Variants in CCDC91 observed in about 807,000 individuals in gnomAD.
CCDC91 encodes the protein coiled-coil domain-containing protein 91.
Under a neutral mutation model 63.2 loss-of-function variants are expected in CCDC91, and 48 were observed. The ratio of observed to expected loss-of-function variants is 0.76; its 90% CI spans 0.60 to 0.97. CCDC91 has a LOEUF of 0.97. Among genes scored for constraint, CCDC91 ranks in the 50% least tolerant of loss-of-function variants. The pLI is 0.00. For synonymous variants in CCDC91, 167 were observed against 165.8 expected, an observed-to-expected ratio of 1.01 and a Z score of -0.06; for missense variants, 500 against 494.6, an observed-to-expected ratio of 1.01 and a Z score of -0.10.
At chr12:28,308,718 A>G (rs1469506951) in intron 6 of CCDC91, among the ~76,000 whole-genome samples, 1 of 151,996 alleles carries the variant, frequency 6.6e-6, no homozygotes, top group East Asian at 1.9e-4. Context: ...CTTTCCAGAC[A>G]ATGCTGACAT....
intron 3 of CCDC91, among the ~76,000 whole-genome samples, chr12:28,271,346 AT>A (rs1947758472): frequency 6.6e-6 from 1 of 151,784 alleles, no homozygotes. Context: ...TGTTTATTAT[AT>A]TTTTCCTAAT....
At chr12:28,465,229 C>T (rs1175646029) in intron 11 of CCDC91, among the ~76,000 whole-genome samples, 2 of 152,122 alleles carry the variant, frequency 1.3e-5, no homozygotes, top group Admixed American at 6.5e-5. Flanking sequence ...CAGTTTTTGA[C>T]TCTAGTCTTT....
At chr12:28,507,841 G>T (rs1332538637) in intron 12 of CCDC91, among the ~76,000 whole-genome samples, 2 of 151,992 alleles carry the variant, frequency 1.3e-5, no homozygotes, top group Admixed American at 1.3e-4. Context: ...ACCTATCGGG[G>T]TGGAGGAAGT....
chr12:28,424,675 A>C (rs1446384091), intron 8 of CCDC91, among the ~76,000 whole-genome samples: 1 of 152,096 alleles, frequency 6.6e-6, no homozygotes, highest in Non-Finnish European at 1.5e-5. Flanking sequence ...TAATCCTGAA[A>C]AGCTTTTGGG....
chr12:28,484,122 G>C lies in CCDC91; in HGVS notation c.1172G>C (p.Arg391Thr). Residue 391 changes from arginine (R) to threonine (T), a missense_variant, in exon 12 of 13, where the codon AGA (arginine) becomes ACA (threonine). Transcript: ENST00000536442. ...SEKAVEEAVK[R>T]TRDELIEYIK... ...AAGGCTGTGGAAGAGGCAGTGAAAAGAACAAGAGATGAATTGATAGAGTAT... is the reference window on the plus strand; with the variant it reads ...AAGGCTGTGGAAGAGGCAGTGAAAACAACAAGAGATGAATTGATAGAGTAT... 2 of 1,611,050 alleles carry C rather than the reference G, an allele frequency of 1.2e-6. No individual in the cohort carries two copies. The highest frequency in any genetic ancestry group is 1.7e-6 in the Non-Finnish European group (2 of 1,178,460).
chr12:28,279,629 C>T (rs1458813361), intron 3 of CCDC91, among the ~76,000 whole-genome samples: 2 of 152,068 alleles, frequency 1.3e-5, no homozygotes, highest in East Asian at 3.9e-4. Context: ...TTTGGTCCTC[C>T]AGCTCTTTCA....
At position 28,362,867 on chromosome 12, in the gene CCDC91, A is replaced by G. The variant is rs144574697; in HGVS notation, c.654+352A>G. ...ATTAAGGCATGAAATATATCAGAAA[A>G]AAATATTATACCTTTTTGCTTTTCT... On this transcript the variant is annotated intron_variant, in intron 7 of 12. Coordinates refer to ENST00000536442, the MANE Select transcript of CCDC91 (RefSeq NM_018318.5). Among the ~76,000 whole-genome samples the G allele has an allele frequency of 8.5e-5, 13 of 152,310 alleles. No homozygotes were observed. The East Asian group carries it at 2.5e-3, about 29-fold the overall frequency.
At chr12:28,330,556 T>C (rs982587047) in intron 6 of CCDC91, among the ~76,000 whole-genome samples, 1 of 152,110 alleles carries the variant, frequency 6.6e-6, no homozygotes, top group African/African-American at 2.4e-5. Flanking sequence ...TCTTCCATTC[T>C]GTAGGTTGCC....
chr12:28,545,864 T>A (rs2141866695), intron 12 of CCDC91, among the ~76,000 whole-genome samples: 1 of 152,212 alleles, frequency 6.6e-6, no homozygotes, highest in African/African-American at 2.4e-5. Flanking sequence ...GCAACAGAGG[T>A]TGAATGCTTG....
At chr12:28,267,965 A>C (rs1470446390) in intron 3 of CCDC91, among the ~76,000 whole-genome samples, 10 of 112,256 alleles carry the variant, frequency 8.9e-5, no homozygotes, top group Non-Finnish European at 1.5e-4. Flanking sequence ...ATAATTATAT[A>C]TAATTAATAT....
chr12:28,194,247 C>A (rs1941539483), intron 1 of CCDC91, among the ~76,000 whole-genome samples: 2 of 152,114 alleles, frequency 1.3e-5, no homozygotes, highest in South Asian at 4.2e-4. Context: ...TCAAGACTCT[C>A]TCTCTCTCTT....
rs543312698 is a variant in CCDC91, at chr12:28,445,969, A to G, written c.763-4192A>G. On this transcript the variant is annotated intron_variant, in intron 8 of 12. Transcript: ENST00000536442. ...ATATTTATTCCTTAACACACATCAT[A>G]CTTAACTAGGGGATTTATTGTACAT... Among the ~76,000 whole-genome samples, 173 of 152,332 alleles carry G rather than the reference A, an allele frequency of 1.1e-3. 2 individuals are homozygous for G. The highest frequency in any genetic ancestry group is 3.5e-3 in the African/African-American group (145 of 41,584).
intron 3 of CCDC91, among the ~76,000 whole-genome samples, chr12:28,272,941 A>G (rs1410045823): frequency 5.9e-5 from 9 of 151,612 alleles, no homozygotes; most frequent in Non-Finnish European, 1.2e-4. Flanking sequence ...TGTACCCAGT[A>G]ACTCGTCATT....
rs541242186 is a variant in CCDC91 at position 28,368,406 on chromosome 12, C to G, written c.654+5891C>G. Among the ~76,000 whole-genome samples the G allele has an allele frequency of 1.2e-4, 19 of 152,268 alleles. 1 individual carries two copies. The East Asian group carries it at 3.7e-3, about 29-fold the overall frequency. ...CCTAGCCTCTGATCTATCCTGTGCA[C>G]TTGAGTAAATGTATATCCTGCTATT... On this transcript the variant is annotated intron_variant, in intron 7 of 12. Transcript: ENST00000536442.
chr12:28,503,650 G>A (rs1938282477), intron 12 of CCDC91, among the ~76,000 whole-genome samples: 1 of 152,104 alleles, frequency 6.6e-6, no homozygotes, highest in Admixed American at 6.6e-5. Context: ...GTTTATTGCA[G>A]CACTATTCAC....
chr12:28,281,632 GTA>G (rs1948613824), intron 3 of CCDC91, among the ~76,000 whole-genome samples: 3 of 151,998 alleles, frequency 2.0e-5, no homozygotes, highest in South Asian at 4.1e-4. Context: ...TTGTGTATGT[GTA>G]TGTTTCTCTG....
intron 8 of CCDC91, among the ~76,000 whole-genome samples, chr12:28,407,402 A>G (rs1947020348): frequency 6.6e-6 from 1 of 152,202 alleles, no homozygotes. Flanking sequence ...ACTTTACTCC[A>G]TTATGATACT....
chr12:28,522,444 T>C (rs1157416099), intron 12 of CCDC91, among the ~76,000 whole-genome samples: 1 of 152,166 alleles, frequency 6.6e-6, no homozygotes, highest in African/African-American at 2.4e-5. Flanking sequence ...TTTTATTGCG[T>C]CTATTTGATT....
intron 8 of CCDC91, among the ~76,000 whole-genome samples, chr12:28,397,607 G>T (rs113382325): frequency 2.6e-5 from 4 of 151,998 alleles, no homozygotes; most frequent in African/African-American, 9.6e-5. Context: ...TATGCAGTGG[G>T]GTATACATGT....
Sources: allele counts gnomAD v4.1 joint callset (sites outside exome capture counted in the v4.1 genomes callset), GRCh38; gene constraint gnomAD v4.1.1; transcripts MANE v1.5; gene names NCBI Gene and HGNC (gene_info 2026-07-23, HGNC 2026-07-21).